Variants in PLEKHG3 observed in about 807,000 individuals in gnomAD.
PLEKHG3 encodes pleckstrin homology domain-containing family G member 3.
A neutral mutation model predicts 94.9 loss-of-function variants in PLEKHG3; 62 were observed. The observed-to-expected ratio is 0.65, with a 90% CI of 0.53 to 0.81. PLEKHG3 has a LOEUF of 0.81. Among genes scored for constraint, PLEKHG3 ranks in the 30% least tolerant of loss-of-function variants. The pLI is 0.00. For missense variants in PLEKHG3, 1,461 were observed against 1,619.3 expected (o/e 0.90, Z 1.68); for synonymous variants, 614 against 654.0 (o/e 0.94, Z 0.93).
At chr14:64,712,998 C>T (rs577780352) in intron 1 of PLEKHG3, among the ~76,000 whole-genome samples, 12 of 152,118 alleles carry the variant, frequency 7.9e-5, no homozygotes, top group African/African-American at 2.4e-4. Flanking sequence ...GATTGTTGAG[C>T]GTTTTTATCA....
rs547959570 is a variant in PLEKHG3, at chr14:64,735,436, G to A, written c.1346-1417G>A. Among the ~76,000 whole-genome samples the A allele has an allele frequency of 4.0e-5, 6 of 151,784 alleles. No homozygotes were observed. In the South Asian group the frequency reaches 1.0e-3, roughly 26 times the overall value. ...AGACCAGCCTGGACAACACAGTGAGGCCTCATCTCTACAAAATTAAAAAGT... is the reference window on the plus strand; with the variant it reads ...AGACCAGCCTGGACAACACAGTGAGACCTCATCTCTACAAAATTAAAAAGT... On this transcript the variant is annotated intron_variant, in intron 12 of 16. Transcript: ENST00000247226.
At position 64,741,100 on chromosome 14, in the gene PLEKHG3, C is replaced by T; in HGVS notation, c.1583C>T (p.Ala528Val). The change falls in exon 16 of 17, where the codon GCC becomes GTC. Residue 528 changes from alanine (A) to valine (V), a missense_variant. Ala to Val is a moderately conservative substitution (Grantham distance 64, BLOSUM62 0). Transcript: ENST00000247226. The part of the protein sequence containing the change: ...EVFSAVEGPS[A>V]EETPSDTESP... ...TTTTCTGCTGTGGAAGGGCCCAGTGCCGAGGAGACGCCTTCAGACACAGAA... is the reference window on the plus strand; with the variant it reads ...TTTTCTGCTGTGGAAGGGCCCAGTGTCGAGGAGACGCCTTCAGACACAGAA... 6.2e-7 allele frequency: 1 copy of T among 1,613,592 alleles called. No homozygotes were observed. Among genetic ancestry groups the T allele is most frequent in the Non-Finnish European group, 8.5e-7 (1 of 1,179,630 alleles).
At position 64,732,530 on chromosome 14, in the gene PLEKHG3, G is replaced by A; in HGVS notation, c.1246+70G>A. 1.4e-6 allele frequency: 2 copies of A among 1,403,032 alleles called. No homozygotes were observed. The highest frequency in any genetic ancestry group is 2.0e-6 in the Non-Finnish European group (2 of 988,034). 86.9% of individuals were successfully genotyped at this position (1,403,032 alleles called of 1,614,324 possible). A position where few individuals can be genotyped will look rare whatever the true frequency, so the allele number is the denominator to read the frequency against. ...TTGCTAGGTCAGGCTGCATCCTGGG[G>A]AAGCTTTACCTGATAATTTTATTCC... On this transcript the variant is annotated intron_variant, in intron 11 of 16. Coordinates refer to ENST00000247226, the MANE Select transcript of PLEKHG3 (RefSeq NM_001308147.2). This position sits in a 1 kb window ranked among gnomAD's most constrained non-coding sequence, Gnocchi z 4.9.
In PLEKHG3 at chr14:64,739,854, TTCCCA is replaced by T. The variant is rs1349017206; in HGVS notation, c.1518+1002_1518+1006del. ...AATTTCCCAAAGGCCCCCCCTCTCATTCCCATCACACTGGGTGTTAGCCTCCACAT... is the reference window on the plus strand; with the variant it reads ...AATTTCCCAAAGGCCCCCCCTCTCATTCACACTGGGTGTTAGCCTCCACAT... On this transcript the variant is annotated intron_variant, in intron 15 of 16. Coordinates refer to ENST00000247226, the MANE Select transcript of PLEKHG3 (RefSeq NM_001308147.2). The surrounding 1 kb of genome is among the most constrained non-coding windows in gnomAD (Gnocchi z 4.1). Among the ~76,000 whole-genome samples, 7 of 152,166 alleles carry T rather than the reference TTCCCA, an allele frequency of 4.6e-5. No individual in the cohort carries two copies. The highest frequency in any genetic ancestry group is 1.7e-4 in the African/African-American group (7 of 41,438).
rs2081691433 is a variant in PLEKHG3 at position 64,741,482 on chromosome 14, C to T, written c.1965C>T (p.Gly655=). The T allele has an allele frequency of 1.2e-6, 2 of 1,612,746 alleles. No individual in the cohort carries two copies. Among genetic ancestry groups the T allele is most frequent in the Non-Finnish European group, 1.7e-6 (2 of 1,179,994 alleles). The part of the protein sequence containing the change: ...EGSEKGLARH[G]SATDSLSCQL... ...GCGAGAAGGGCCTGGCCCGGCATGG[C>T]AGTGCCACAGACTCCCTCAGCTGTC... Residue 655 remains glycine, a synonymous_variant, in exon 16 of 17, where the codon GGC becomes GGT. Transcript: ENST00000247226.
Position 64,722,129 on chromosome 14 carries a change from G to A in PLEKHG3, c.-39-5464G>A, listed in dbSNP as rs981631784. ...CCCTGGCTTTGAGAGCCCTTGGAAT[G>A]TTTAGCAGATGATGTAGTTGAGGGA... On this transcript the variant is annotated intron_variant, in intron 1 of 16. Transcript: ENST00000247226. The surrounding 1 kb of genome is among the most constrained non-coding windows in gnomAD (Gnocchi z 4.3). Among the ~76,000 whole-genome samples the A allele has an allele frequency of 6.6e-6, 1 of 152,226 alleles. No homozygotes were observed.
At chr14:64,707,833 T>C (rs2080996743) in intron 1 of PLEKHG3, among the ~76,000 whole-genome samples, 1 of 152,234 alleles carries the variant, frequency 6.6e-6, no homozygotes. Flanking sequence ...CTGTGGACTT[T>C]GATGTGGTGC....
intron 16 of PLEKHG3, 133 bp from the exon 17 acceptor site, chr14:64,742,849 A>G (rs1391075116): frequency 8.9e-6 from 7 of 789,616 alleles, no homozygotes; most frequent in Non-Finnish European, 1.3e-5. Flanking sequence ...ATGGTAAGTG[A>G]GATTTCTCCC....
Position 64,743,388 on chromosome 14 carries a change from C to T in PLEKHG3, c.3345C>T (p.Ser1115=), listed in dbSNP as rs771628643. ...RGRGGGEAAQ[S]PGPLPQSKPD... ...GGGGAGGCGGAGAGGCTGCCCAATC[C>T]CCTGGGCCTCTGCCCCAGAGCAAGC... Residue 1115 remains serine, a synonymous_variant, in exon 17 of 17, where the codon TCC becomes TCT. Coordinates refer to ENST00000247226, the MANE Select transcript of PLEKHG3 (RefSeq NM_001308147.2). The surrounding 1 kb of genome is among the most constrained non-coding windows in gnomAD (Gnocchi z 7.2). 2 of 1,609,024 alleles carry T rather than the reference C, an allele frequency of 1.2e-6. No homozygotes were observed. Among genetic ancestry groups the T allele is most frequent in the Non-Finnish European group, 8.5e-7 (1 of 1,177,372 alleles).
In PLEKHG3 at chr14:64,749,949, A is replaced by T. The variant is rs1156755421; in HGVS notation, c.*6246A>T. The stretch of plus-strand genomic sequence containing the variant: ...CCACTAATGCCAAATCAAGCCATCA[A>T]CCCGAGCTTTCAAAGGCCAGGAAGG... On this transcript the variant is annotated 3_prime_UTR_variant, in exon 17 of 17. Transcript: ENST00000247226. This position sits in a 1 kb window ranked among gnomAD's most constrained non-coding sequence, Gnocchi z 4.7. 2 of 1,614,076 alleles carry T rather than the reference A, an allele frequency of 1.2e-6. No individual in the cohort carries two copies. The highest frequency in any genetic ancestry group is 1.7e-5 in the Admixed American group (1 of 60,018).
Position 64,730,455 on chromosome 14 carries a change from G to A in PLEKHG3, c.519+143G>A, listed in dbSNP as rs1431179895. On this transcript the variant is annotated intron_variant, in intron 4 of 16. Transcript: ENST00000247226. This position sits in a 1 kb window ranked among gnomAD's most constrained non-coding sequence, Gnocchi z 5.4. ...GTGCTCTATCTTGAATGAGAAGGGTGTTCTGAGGGGAGCCAGGGCTGCTGG... is the reference window on the plus strand; with the variant it reads ...GTGCTCTATCTTGAATGAGAAGGGTATTCTGAGGGGAGCCAGGGCTGCTGG... 3 of 745,242 alleles carry A rather than the reference G, an allele frequency of 4.0e-6. No individual in the cohort carries two copies. Among genetic ancestry groups the A allele is most frequent in the African/African-American group, 3.5e-5 (2 of 57,742 alleles). 46.2% of individuals were successfully genotyped at this position (745,242 alleles called of 1,614,324 possible). A position where few individuals can be genotyped will look rare whatever the true frequency, so the allele number is the denominator to read the frequency against.
rs575804399 is a variant in PLEKHG3, at chr14:64,712,366, A to T, written c.-40+7662A>T. On this transcript the variant is annotated intron_variant, in intron 1 of 16. Transcript: ENST00000247226. The stretch of plus-strand genomic sequence containing the variant: ...GCTTGTCAATATCTGCAAAAAAAAA[A>T]TCAGCTATATTTTGATAGAGATTGT... 1.8e-4 allele frequency among the ~76,000 whole-genome samples: 27 copies of T among 152,244 alleles called. No individual in the cohort carries two copies. In the South Asian group the frequency reaches 5.6e-3, roughly 32 times the overall value.
rs2081466843 is a variant in PLEKHG3 at position 64,731,628 on chromosome 14, C to T, written c.1032+85C>T. 3 of 1,515,758 alleles carry T rather than the reference C, an allele frequency of 2.0e-6. No homozygotes were observed. Among genetic ancestry groups the T allele is most frequent in the African/African-American group, 2.7e-5 (2 of 72,886 alleles). The allele number at this position is 1,515,758 out of a possible 1,614,324, so 93.9% of individuals were successfully genotyped here. On this transcript the variant is annotated intron_variant, in intron 8 of 16. Coordinates refer to ENST00000247226, the MANE Select transcript of PLEKHG3 (RefSeq NM_001308147.2). This position sits in a 1 kb window ranked among gnomAD's most constrained non-coding sequence, Gnocchi z 6.1. ...TCCCCTTCTTGTCTGCTTCTTGGGG[C>T]TCCAGCACCACCCTTCTGAGATCAC... is the stretch of plus-strand genomic sequence containing the variant.
At chr14:64,708,712 T>C (rs1594653940) in intron 1 of PLEKHG3, among the ~76,000 whole-genome samples, 1 of 152,008 alleles carries the variant, frequency 6.6e-6, no homozygotes, top group South Asian at 2.1e-4. Context: ...CTGTCAAAGT[T>C]TGTGGTGAGT....
rs1282089608 is a variant in PLEKHG3, at chr14:64,741,095, C to G, written c.1578C>G (p.Pro526=). The G allele has an allele frequency of 5.0e-6, 8 of 1,613,266 alleles. No homozygotes were observed. Among genetic ancestry groups the G allele is most frequent in the Non-Finnish European group, 6.8e-6 (8 of 1,179,414 alleles). Residue 526 remains proline (P), a synonymous_variant, in exon 16 of 17, where the codon CCC becomes CCG. Coordinates refer to ENST00000247226, the MANE Select transcript of PLEKHG3 (RefSeq NM_001308147.2). ...EQEVFSAVEG[P]SAEETPSDTE... Reference sequence around the variant, plus strand: ...AGGTATTTTCTGCTGTGGAAGGGCCCAGTGCCGAGGAGACGCCTTCAGACA... The same window carrying G: ...AGGTATTTTCTGCTGTGGAAGGGCCGAGTGCCGAGGAGACGCCTTCAGACA...
At position 64,743,061 on chromosome 14, in the gene PLEKHG3, G is replaced by T. The variant is rs561684313; in HGVS notation, c.3018G>T (p.Ser1006=). The T allele has an allele frequency of 1.2e-6, 2 of 1,613,154 alleles. No individual in the cohort carries two copies. Among genetic ancestry groups the T allele is most frequent in the African/African-American group, 2.7e-5 (2 of 74,924 alleles). ...AGCACAGCCCTCCCAAGCCCTCCTC[G>T]GCTGGGGAGATGTCACCACAGCGTT... ...AQEHSPPKPS[S]AGEMSPQRFF... is the part of the protein sequence containing the mutation. Residue 1006 remains serine, a synonymous_variant, in exon 17 of 17, where the codon TCG becomes TCT. Transcript: ENST00000247226. The surrounding 1 kb of genome is among the most constrained non-coding windows in gnomAD (Gnocchi z 7.2).
In PLEKHG3 at chr14:64,743,949, G is replaced by A. The variant is rs1296567032; in HGVS notation, c.*246G>A. 1 of 406,386 alleles carries A rather than the reference G, an allele frequency of 2.5e-6. No individual in the cohort carries two copies. Among genetic ancestry groups the A allele is most frequent in the African/African-American group, 2.1e-5 (1 of 48,620 alleles). 25.2% of individuals were successfully genotyped at this position (406,386 alleles called of 1,614,324 possible). A position where few individuals can be genotyped will look rare whatever the true frequency, so the allele number is the denominator to read the frequency against. ...GGTGTGGCTGCTTCCCTTGTAAATA[G>A]TTGTTCTCTGGTAAGAAGCCAAATA... On this transcript the variant is annotated 3_prime_UTR_variant, in exon 17 of 17. Transcript: ENST00000247226. The surrounding 1 kb of genome is among the most constrained non-coding windows in gnomAD (Gnocchi z 7.2).
Position 64,749,343 on chromosome 14 carries a change from T to C in PLEKHG3, c.*5640T>C. 1 of 1,610,116 alleles carries C rather than the reference T, an allele frequency of 6.2e-7. No individual in the cohort carries two copies. The highest frequency in any genetic ancestry group is 8.5e-7 in the Non-Finnish European group (1 of 1,179,412). On this transcript the variant is annotated 3_prime_UTR_variant, in exon 17 of 17. Coordinates refer to ENST00000247226, the MANE Select transcript of PLEKHG3 (RefSeq NM_001308147.2). The surrounding 1 kb of genome is among the most constrained non-coding windows in gnomAD (Gnocchi z 4.7). ...GGGGAAGAAGCTGAATCTCTTCTCCTTGTCTTTCTTGCCGAGGCTGGCGTC... is the reference window on the plus strand; with the variant it reads ...GGGGAAGAAGCTGAATCTCTTCTCCCTGTCTTTCTTGCCGAGGCTGGCGTC...
rs377323027 is a variant in PLEKHG3 at position 64,748,935 on chromosome 14, TC to T, written c.*5233del. ...AAGAACCCCATCAGCCTTCTCCAGC[TC>T]TTTTTTTTTTTTTTTTTTGGTTGGG... On this transcript the variant is annotated 3_prime_UTR_variant, in exon 17 of 17. Transcript: ENST00000247226. 6.9e-4 allele frequency: 82 copies of T among 119,032 alleles called. No homozygotes were observed. The highest frequency in any genetic ancestry group is 1.5e-3 in the African/African-American group (28 of 19,218). The allele number at this position is 119,032 out of a possible 1,614,324, so 7.4% of individuals were successfully genotyped here. A position where few individuals can be genotyped will look rare whatever the true frequency, so the allele number is the denominator to read the frequency against.
Sources: allele counts gnomAD v4.1 joint callset (sites outside exome capture counted in the v4.1 genomes callset), GRCh38; gene constraint gnomAD v4.1.1; non-coding constraint Gnocchi (gnomAD v3.1); transcripts MANE v1.5; gene names NCBI Gene and HGNC (gene_info 2026-07-23, HGNC 2026-07-21).